Variants in ASZ1 observed in about 807,000 individuals in gnomAD.
ASZ1 encodes ankyrin repeat, SAM and basic leucine zipper domain-containing protein 1.
A neutral mutation model predicts 61.8 loss-of-function variants in ASZ1; 67 were observed. That is an observed-to-expected ratio of 1.08 (90% confidence interval 0.89 to 1.33). The LOEUF (loss-of-function observed/expected upper bound fraction) is 1.33. Among genes scored for constraint, ASZ1 ranks in the 40% most tolerant of loss-of-function variants. The probability of loss-of-function intolerance (pLI) is 0.00; values close to 1 mark genes in which losing one functional copy is unlikely to be tolerated. For synonymous variants in ASZ1, 193 were observed against 192.7 expected, an observed-to-expected ratio of 1.00 and a Z score of -0.01; for missense variants, 577 against 554.5, an observed-to-expected ratio of 1.04 and a Z score of -0.41.
At chr7:117,390,528 T>G in intron 4 of ASZ1, among the ~76,000 whole-genome samples, 1 of 152,080 alleles carries the variant, frequency 6.6e-6, no homozygotes, top group East Asian at 1.9e-4. Context: ...GGTAGAATGG[T>G]TTATTTTCCT....
At chr7:117,397,220 C>T (rs992934810) in intron 4 of ASZ1, among the ~76,000 whole-genome samples, 13 of 151,332 alleles carry the variant, frequency 8.6e-5, no homozygotes, top group Admixed American at 1.3e-4. Context: ...CGAACTGAAC[C>T]GAACCGAACC....
rs778058062 is a variant in ASZ1, at chr7:117,422,365, A to G, written c.206-6T>C. On this transcript the variant is annotated splice_region_variant and splice_polypyrimidine_tract_variant and intron_variant, in intron 2 of 12. Coordinates refer to ENST00000284629, the MANE Select transcript of ASZ1 (RefSeq NM_130768.3). Reference sequence around the variant, plus strand: ...GTTGGAATCTACACTAATGCCTGTCAATATAAAAACAAGCTTTTAAAAGCA... The same window carrying G: ...GTTGGAATCTACACTAATGCCTGTCGATATAAAAACAAGCTTTTAAAAGCA... The G allele has an allele frequency of 2.2e-5, 36 of 1,608,364 alleles. No individual in the cohort carries two copies. The East Asian group carries it at 6.9e-4, about 31-fold the overall frequency.
rs1366161011 is a variant in ASZ1 at position 117,396,845 on chromosome 7, T to G, written c.441-11036A>C. Among the ~76,000 whole-genome samples the G allele has an allele frequency of 2.6e-5, 4 of 152,214 alleles. No homozygotes were observed. The East Asian group carries it at 7.7e-4, about 29-fold the overall frequency. On this transcript the variant is annotated intron_variant, in intron 4 of 12. Coordinates refer to ENST00000284629, the MANE Select transcript of ASZ1 (RefSeq NM_130768.3). Reference sequence around the variant, plus strand: ...GTTTTGATAGTATTAATGTAATCTATTCCTTGGAAGTTTAAAATAAGTAAC... The same window carrying G: ...GTTTTGATAGTATTAATGTAATCTAGTCCTTGGAAGTTTAAAATAAGTAAC...
At chr7:117,419,371 A>G (rs983899795) in intron 4 of ASZ1, among the ~76,000 whole-genome samples, 8 of 152,192 alleles carry the variant, frequency 5.3e-5, no homozygotes, top group Non-Finnish European at 1.0e-4. Context: ...CTGTCCAGGT[A>G]TCATAGAAAC....
intron 9 of ASZ1, among the ~76,000 whole-genome samples, chr7:117,380,446 A>C (rs912530047): frequency 2.0e-5 from 3 of 151,866 alleles, no homozygotes; most frequent in African/African-American, 7.2e-5. Flanking sequence ...GTGTTAAACT[A>C]AATTTTCTAT....
intron 10 of ASZ1, among the ~76,000 whole-genome samples, chr7:117,372,511 A>C (rs1053638831): frequency 2.0e-5 from 3 of 152,230 alleles, no homozygotes; most frequent in African/African-American, 7.2e-5. Context: ...CGATCAGGAA[A>C]TAAAGTCTTG....
intron 4 of ASZ1, among the ~76,000 whole-genome samples, chr7:117,402,701 T>C (rs1010171567): frequency 6.6e-6 from 1 of 152,212 alleles, no homozygotes; most frequent in African/African-American, 2.4e-5. Context: ...AAAGGACTAA[T>C]ACCCTATAAA....
At chr7:117,393,345 C>G (rs1218791205) in intron 4 of ASZ1, among the ~76,000 whole-genome samples, 1 of 152,016 alleles carries the variant, frequency 6.6e-6, no homozygotes, top group Non-Finnish European at 1.5e-5. Flanking sequence ...ATACTAAAGT[C>G]TTCAAATATG....
intron 4 of ASZ1, among the ~76,000 whole-genome samples, chr7:117,407,070 T>C (rs1796798413): frequency 1.3e-5 from 2 of 151,970 alleles, no homozygotes; most frequent in African/African-American, 4.8e-5. Context: ...CACCGATCAG[T>C]GTGCACATTA....
chr7:117,382,837 C>A, intron 7 of ASZ1, 149 bp downstream of exon 7: 1 of 898,788 alleles, frequency 1.1e-6, no homozygotes, highest in Non-Finnish European at 1.5e-6. Flanking sequence ...TTCTAAAATT[C>A]TGGAGAACAC....
rs530093143 is a variant in ASZ1, at chr7:117,370,969, T to C, written c.1056-2252A>G. On this transcript the variant is annotated intron_variant, in intron 10 of 12. Coordinates refer to ENST00000284629, the MANE Select transcript of ASZ1 (RefSeq NM_130768.3). ...CCACCTGAGTAGTTGGGATTACAGG[T>C]GTGTACCACCATGCCCAGCTAATTT... 2.0e-5 allele frequency among the ~76,000 whole-genome samples: 3 copies of C among 151,944 alleles called. No homozygotes were observed. The South Asian group carries it at 6.2e-4, about 32-fold the overall frequency.
intron 4 of ASZ1, among the ~76,000 whole-genome samples, chr7:117,391,906 C>T (rs1395488724): frequency 3.9e-5 from 6 of 152,066 alleles, no homozygotes; most frequent in Admixed American, 3.9e-4. Context: ...ATTCTCCTGC[C>T]TCAGCCTCCC....
In ASZ1 at chr7:117,427,446, C is replaced by A; in HGVS notation, c.15G>T (p.Ala5=). 6.2e-7 allele frequency: 1 copy of A among 1,613,790 alleles called. No individual in the cohort carries two copies. The highest frequency in any genetic ancestry group is 8.5e-7 in the Non-Finnish European group (1 of 1,179,896). Residue 5 remains alanine (A), a synonymous_variant, in exon 1 of 13, where the codon GCG becomes GCT. Coordinates refer to ENST00000284629, the MANE Select transcript of ASZ1 (RefSeq NM_130768.3). MAAS[A]LRGLPVAGGG... is the part of the protein sequence containing the mutation. The stretch of plus-strand genomic sequence containing the variant: ...CGCCAGCCACTGGCAGGCCTCGCAG[C>A]GCGCTCGCCGCCATGCCAGCCAAGG...
At chr7:117,422,938 A>G (rs1446729583) in intron 2 of ASZ1, among the ~76,000 whole-genome samples, 2 of 152,206 alleles carry the variant, frequency 1.3e-5, no homozygotes, top group Non-Finnish European at 2.9e-5. Flanking sequence ...GACAACATAG[A>G]CACCACTATT....
chr7:117,401,513 T>C (rs889715435), intron 4 of ASZ1, among the ~76,000 whole-genome samples: 19 of 151,878 alleles, frequency 1.3e-4, no homozygotes, highest in Admixed American at 7.2e-4. Context: ...CTGGCTCCAA[T>C]AGGGATGGCA....
rs145791114 is a variant in ASZ1 at position 117,427,366 on chromosome 7, C to T, written c.95G>A (p.Arg32Gln). 5.4e-4 allele frequency: 871 copies of T among 1,614,194 alleles called. 9 individuals carry two copies. The South Asian group carries it at 9.0e-3, about 17-fold the overall frequency. The change falls in exon 1 of 13, where the codon CGG becomes CAG. Residue 32 changes from arginine to glutamine, a missense_variant. By Grantham distance (43) the Arg-to-Gln change is conservative. Transcript: ENST00000284629. ...DDGWEIGYLD[R>Q]TSQKLKRLLP... ...GGCCTCCTCCGCTACCTGAGACGTC[C>T]GGTCGAGATACCCAATCTCCCAGCC... is the stretch of plus-strand genomic sequence containing the variant.
At chr7:117,412,333 CTAAG>C (rs1796912618) in intron 4 of ASZ1, among the ~76,000 whole-genome samples, 1 of 151,708 alleles carries the variant, frequency 6.6e-6, no homozygotes, top group African/African-American at 2.4e-5. Context: ...GTAATGTTTT[CTAAG>C]TAAGATATTT....
At chr7:117,422,491 G>A in intron 2 of ASZ1, 132 bp from the exon 3 acceptor site, 1 of 1,026,852 alleles carries the variant, frequency 9.7e-7, no homozygotes, top group South Asian at 2.1e-5. Context: ...AGTTTTTAAT[G>A]GCTTCCAAAA....
intron 10 of ASZ1, among the ~76,000 whole-genome samples, chr7:117,376,056 C>T (rs1256978330): frequency 1.3e-5 from 2 of 151,622 alleles, no homozygotes; most frequent in Admixed American, 6.6e-5. Flanking sequence ...ATGCATAAAC[C>T]TCTAGCAAGA....
Sources: allele counts gnomAD v4.1 joint callset (sites outside exome capture counted in the v4.1 genomes callset), GRCh38; gene constraint gnomAD v4.1.1; transcripts MANE v1.5; gene names NCBI Gene and HGNC (gene_info 2026-07-23, HGNC 2026-07-21).